The following HEATR5A variants were observed in gnomAD, a reference collection of about 807,000 sequenced individuals.
HEATR5A encodes the protein HEAT repeat containing 5A.
A neutral mutation model predicts 218.8 loss-of-function variants in HEATR5A; 178 were observed. That is an observed-to-expected ratio of 0.81 (90% confidence interval 0.72 to 0.92). The LOEUF (loss-of-function observed/expected upper bound fraction) is 0.92. Among genes scored for constraint, HEATR5A ranks in the 40% least tolerant of loss-of-function variants. The pLI is 0.00. For synonymous variants in HEATR5A, 864 were observed against 871.6 expected (o/e 0.99, Z 0.15); for missense variants, 2,420 against 2,418.9 (o/e 1.00, Z -0.01).
intron 31 of HEATR5A, 39 bp downstream of exon 31, chr14:31,306,693 T>C (rs768894579): frequency 2.6e-6 from 4 of 1,562,672 alleles, no homozygotes; most frequent in Admixed American, 3.7e-5. Flanking sequence ...AAAAGAATGA[T>C]GCTATTTGAT....
intron 35 of HEATR5A, 101 bp downstream of exon 35, chr14:31,293,790 G>A (rs562385626): frequency 9.2e-7 from 1 of 1,084,662 alleles, no homozygotes; most frequent in Admixed American, 2.3e-5. Context: ...TTCAATGAAT[G>A]TGAAATACAG....
intron 6 of HEATR5A, among the ~76,000 whole-genome samples, chr14:31,392,085 G>A (rs2030475819): frequency 6.6e-6 from 1 of 152,102 alleles, no homozygotes. Flanking sequence ...TTATAGAATG[G>A]CCCTTGATAT....
intron 1 of HEATR5A, among the ~76,000 whole-genome samples, chr14:31,417,749 CAAAA>C (rs779679473): frequency 9.9e-6 from 1 of 100,526 alleles, no homozygotes. Flanking sequence ...GACTCCATCT[CAAAA>C]AAAAAAAAAA....
Position 31,343,953 on chromosome 14 carries a change from C to T in HEATR5A, c.3171G>A (p.Gln1057=). Residue 1057 remains glutamine, a synonymous_variant, in exon 21 of 36, where the codon CAG becomes CAA. Transcript: ENST00000543095. ...VQAQAISCLQ[Q]LHMFAPRHVN... is the part of the protein sequence containing the mutation. ...CATGTCGTGGAGCAAACATATGAAG[C>T]TGCTGAAGGCAAGAGATGGCCTGAG... 6.2e-7 allele frequency: 1 copy of T among 1,611,960 alleles called. No individual in the cohort carries two copies. Among genetic ancestry groups the T allele is most frequent in the Non-Finnish European group, 8.5e-7 (1 of 1,179,000 alleles).
At chr14:31,359,279 AGTGTAAGAGTGTGTGT>A (rs1195192479) in intron 14 of HEATR5A, among the ~76,000 whole-genome samples, 4,233 of 102,674 alleles carry the variant, frequency 0.041, 144 homozygotes, top group African/African-American at 0.12. Flanking sequence ...AACATCTCAA[AGTGTAAGAGTGTGTGT>A]GTGTGTGTGT....
intron 1 of HEATR5A, among the ~76,000 whole-genome samples, chr14:31,418,051 T>C (rs1007010829): frequency 2.7e-5 from 4 of 149,880 alleles, no homozygotes; most frequent in African/African-American, 9.8e-5. Flanking sequence ...CTACTAAAAA[T>C]ACAAAAATTA....
At chr14:31,396,167 G>A (rs2030645798) in intron 4 of HEATR5A, among the ~76,000 whole-genome samples, 1 of 152,074 alleles carries the variant, frequency 6.6e-6, no homozygotes. Flanking sequence ...GACCAGCCTG[G>A]GCAACATGGT....
chr14:31,346,416 T>C lies in HEATR5A; in HGVS notation c.2869-1140A>G, dbSNP rs188759250. The stretch of plus-strand genomic sequence containing the variant: ...GAAGTGGAGGAGGCGAGTAGTAATA[T>C]GGTAATTCAGAGGGGGAAAGCTAAC... On this transcript the variant is annotated intron_variant, in intron 19 of 35. Transcript: ENST00000543095. 6.0e-4 allele frequency among the ~76,000 whole-genome samples: 92 copies of C among 152,238 alleles called. 1 individual carries two copies. The highest frequency in any genetic ancestry group is 9.8e-4 in the Admixed American group (15 of 15,274).
intron 13 of HEATR5A, among the ~76,000 whole-genome samples, chr14:31,370,028 C>A (rs1031109222): frequency 2.8e-4 from 42 of 151,346 alleles, no homozygotes; most frequent in African/African-American, 9.5e-4. Context: ...AGATCGAGAC[C>A]ATCCTGGCTA....
At chr14:31,394,005 G>A (rs2030554084) in intron 6 of HEATR5A, 47 bp downstream of exon 6, 5 of 1,266,540 alleles carry the variant, frequency 3.9e-6, no homozygotes, top group Non-Finnish European at 5.4e-6. Context: ...ATATCAACTG[G>A]GGAAAAAATT....
At chr14:31,367,845 T>C (rs1217331982) in intron 13 of HEATR5A, among the ~76,000 whole-genome samples, 1 of 152,012 alleles carries the variant, frequency 6.6e-6, no homozygotes, top group Non-Finnish European at 1.5e-5. Context: ...GGCATATAAA[T>C]AAACACACCA....
At chr14:31,346,155 A>C (rs968262506) in intron 19 of HEATR5A, among the ~76,000 whole-genome samples, 3 of 152,230 alleles carry the variant, frequency 2.0e-5, no homozygotes, top group Non-Finnish European at 4.4e-5. Flanking sequence ...TGCTGCAAAA[A>C]TGAGCTCCTA....
rs1566754196 is a variant in HEATR5A at position 31,323,782 on chromosome 14, C to T, written c.3570G>A (p.Val1190=). The T allele has an allele frequency of 1.1e-5, 18 of 1,594,764 alleles. No individual in the cohort carries two copies. Among genetic ancestry groups the T allele is most frequent in the Non-Finnish European group, 1.5e-5 (18 of 1,162,914 alleles). ...ASADFTAVTC[V]DTMQEEEGDK... ...CTCCTTCTTCTTCTTGCATTGTATC[C>T]ACACAAGTTACAGCTGTAAAATCTT... Residue 1190 remains valine (V), a synonymous_variant, in exon 24 of 36, where the codon GTG becomes GTA. Transcript: ENST00000543095.
intron 23 of HEATR5A, 164 bp downstream of exon 23, chr14:31,325,999 T>C (rs1900255061): frequency 1.6e-6 from 1 of 631,014 alleles, no homozygotes. Context: ...TTACAGAGAA[T>C]TCTAAAACAC....
intron 26 of HEATR5A, among the ~76,000 whole-genome samples, chr14:31,317,088 A>G (rs1234769122): frequency 6.6e-6 from 1 of 152,190 alleles, no homozygotes; most frequent in Non-Finnish European, 1.5e-5. Context: ...TTACAGCAAG[A>G]ACACACATAG....
intron 16 of HEATR5A, among the ~76,000 whole-genome samples, chr14:31,355,251 T>A (rs1901382628): frequency 6.6e-6 from 1 of 151,878 alleles, no homozygotes; most frequent in Non-Finnish European, 1.5e-5. Context: ...CCATCTCTAC[T>A]AAAAATATAA....
intron 7 of HEATR5A, among the ~76,000 whole-genome samples, chr14:31,387,921 A>G (rs968156302): frequency 6.6e-6 from 1 of 152,168 alleles, no homozygotes; most frequent in Admixed American, 6.5e-5. Context: ...TATTTTGGTC[A>G]GACTACAGTT....
intron 18 of HEATR5A, among the ~76,000 whole-genome samples, chr14:31,349,025 G>A (rs1355744567): frequency 6.6e-6 from 1 of 152,074 alleles, no homozygotes; most frequent in Non-Finnish European, 1.5e-5. Flanking sequence ...AGGTAGCGCA[G>A]TACCTCCTGG....
intron 7 of HEATR5A, among the ~76,000 whole-genome samples, chr14:31,388,075 T>C (rs1156835714): frequency 6.6e-6 from 1 of 152,210 alleles, no homozygotes; most frequent in Non-Finnish European, 1.5e-5. Context: ...TGCTCCAACA[T>C]TATAACTCTA....
Sources: allele counts gnomAD v4.1 joint callset (sites outside exome capture counted in the v4.1 genomes callset), GRCh38; gene constraint gnomAD v4.1.1; transcripts MANE v1.5; gene names NCBI Gene and HGNC (gene_info 2026-07-23, HGNC 2026-07-21).